The following LRRC8C variants were observed in gnomAD, a reference collection of about 807,000 sequenced individuals.
LRRC8C encodes the protein volume-regulated anion channel subunit LRRC8C.
A neutral mutation model predicts 55.3 loss-of-function variants in LRRC8C; 20 were observed. The ratio of observed to expected loss-of-function variants is 0.36; its 90% CI spans 0.25 to 0.53. The LOEUF (loss-of-function observed/expected upper bound fraction) is 0.53, where lower values mean the gene tolerates loss of function less well. Among genes scored for constraint, LRRC8C ranks in the 20% least tolerant of loss-of-function variants. The pLI is 0.92. For missense variants in LRRC8C, 659 were observed against 951.4 expected, an observed-to-expected ratio of 0.69 and a Z score of 4.04; for synonymous variants, 376 against 360.7, an observed-to-expected ratio of 1.04 and a Z score of -0.48.
the LRRC8C span, among the ~76,000 whole-genome samples, chr1:89,616,406 G>A: frequency 1.1e-4 from 17 of 152,198 alleles, no homozygotes; most frequent in South Asian, 2.1e-4. Context: ...AAGTGTGCCC[G>A]AGGCAACTGT....
chr1:89,667,668 G>A (rs1657309630), intron 1 of LRRC8C, among the ~76,000 whole-genome samples: 1 of 152,134 alleles, frequency 6.6e-6, no homozygotes, highest in African/African-American at 2.4e-5. Flanking sequence ...TGGAACTCAG[G>A]TTGCTGGGAA....
At chr1:89,682,985 G>A (rs1213078979) in intron 1 of LRRC8C, among the ~76,000 whole-genome samples, 15 of 152,200 alleles carry the variant, frequency 9.9e-5, no homozygotes, top group Admixed American at 9.8e-4. Context: ...TGAATGAAGT[G>A]ATCCTGACAC....
chr1:89,711,378 C>T (rs1411983830), intron 2 of LRRC8C, among the ~76,000 whole-genome samples: 1 of 152,216 alleles, frequency 6.6e-6, no homozygotes, highest in African/African-American at 2.4e-5. Flanking sequence ...TGCCTATAAT[C>T]AAGGTAAAGG....
chr1:89,694,463 T>C (rs1658109395), intron 2 of LRRC8C, among the ~76,000 whole-genome samples: 1 of 152,112 alleles, frequency 6.6e-6, no homozygotes, highest in African/African-American at 2.4e-5. Flanking sequence ...TGTTTTGTTA[T>C]TTTGGAGACG....
At chr1:89,665,728 G>T (rs1024097516) in intron 1 of LRRC8C, among the ~76,000 whole-genome samples, 3 of 152,036 alleles carry the variant, frequency 2.0e-5, no homozygotes, top group Admixed American at 6.5e-5. Flanking sequence ...GTGTAGCCTA[G>T]GTGTACAGTG....
chr1:89,686,405 T>C, intron 1 of LRRC8C, 65 bp from the exon 2 acceptor site: 1 of 1,562,450 alleles, frequency 6.4e-7, no homozygotes, highest in Non-Finnish European at 8.7e-7. Context: ...GAGCCACATT[T>C]GGTAACAATG....
At chr1:89,697,149 T>C (rs777258931) in intron 2 of LRRC8C, among the ~76,000 whole-genome samples, 28 of 152,238 alleles carry the variant, frequency 1.8e-4, no homozygotes, top group African/African-American at 3.4e-4. Context: ...TATTCCTTCA[T>C]GTAGATTGGA....
intron 1 of LRRC8C, among the ~76,000 whole-genome samples, chr1:89,634,843 A>T (rs999445025): frequency 1.8e-4 from 27 of 152,190 alleles, no homozygotes; most frequent in Admixed American, 1.2e-3. Context: ...CTCTGGAGTG[A>T]TTAAGTTCTG....
intron 1 of LRRC8C, among the ~76,000 whole-genome samples, chr1:89,657,277 G>A (rs917795321): frequency 2.6e-5 from 4 of 152,182 alleles, no homozygotes; most frequent in Admixed American, 2.0e-4. Context: ...CACCCTAAGT[G>A]TACAAAACTG....
At chr1:89,632,994 C>G (rs1258452839), upstream of LRRC8C, 2 of 152,216 alleles carry the variant, frequency 1.3e-5, no homozygotes, top group East Asian at 3.9e-4. Flanking sequence ...CGGGCGGTGG[C>G]GACCCCGGGG....
chr1:89,681,488 A>G (rs1036548873), intron 1 of LRRC8C, among the ~76,000 whole-genome samples: 6 of 152,252 alleles, frequency 3.9e-5, no homozygotes, highest in African/African-American at 1.2e-4. Flanking sequence ...CACGCTGCTA[A>G]TAAAGACATG....
intron 1 of LRRC8C, among the ~76,000 whole-genome samples, chr1:89,657,171 A>G (rs1041312756): frequency 6.6e-6 from 1 of 152,212 alleles, no homozygotes; most frequent in Non-Finnish European, 1.5e-5. Flanking sequence ...GCAGATGTCC[A>G]ATGAGGTAGT....
chr1:89,636,965 A>G (rs1656306146), intron 1 of LRRC8C, among the ~76,000 whole-genome samples: 1 of 152,142 alleles, frequency 6.6e-6, no homozygotes, highest in South Asian at 2.1e-4. Context: ...CCTGAATGAG[A>G]GACAAATCGG....
intron 1 of LRRC8C, chr1:89,676,315 C>G: frequency 6.6e-6 from 1 of 152,192 alleles, no homozygotes; most frequent in African/African-American, 2.4e-5. Context: ...CTGATCAACA[C>G]ATCCTGTTTA....
chr1:89,693,805 C>T (rs953935222), intron 2 of LRRC8C, among the ~76,000 whole-genome samples: 1 of 151,616 alleles, frequency 6.6e-6, no homozygotes, highest in Non-Finnish European at 1.5e-5. Flanking sequence ...TACAAGCATG[C>T]ACCACCACAC....
At chr1:89,687,548 T>G (rs996166506) in intron 2 of LRRC8C, among the ~76,000 whole-genome samples, 3 of 152,124 alleles carry the variant, frequency 2.0e-5, no homozygotes, top group Admixed American at 2.0e-4. Flanking sequence ...ATGAGGAAGA[T>G]AGTGTCAGTA....
At chr1:89,649,702 C>T (rs111657722) in intron 1 of LRRC8C, among the ~76,000 whole-genome samples, 4,119 of 152,186 alleles carry the variant, frequency 0.027, 190 homozygotes, top group African/African-American at 0.094. Flanking sequence ...TTCTTTCAGG[C>T]ACTATTCCTT....
chr1:89,697,450 T>C (rs1001473055), intron 2 of LRRC8C, among the ~76,000 whole-genome samples: 1 of 152,228 alleles, frequency 6.6e-6, no homozygotes, highest in South Asian at 2.1e-4. Flanking sequence ...TTTCTAGAGC[T>C]AAGTCAGCTG....
Position 89,713,154 on chromosome 1 carries a change from G to C in LRRC8C, c.584G>C (p.Arg195Thr), listed in dbSNP as rs1207820484. 2 of 1,614,188 alleles carry C rather than the reference G, an allele frequency of 1.2e-6. No individual in the cohort carries two copies. The highest frequency in any genetic ancestry group is 1.7e-5 in the Admixed American group (1 of 60,020). Residue 195 changes from arginine to threonine, a missense_variant, in exon 3 of 3, where the codon AGG becomes ACG. By Grantham distance (71) the Arg-to-Thr change is moderately conservative (BLOSUM62 -1). Transcript: ENST00000370454. The surrounding 1 kb of genome is among the most constrained non-coding windows in gnomAD (Gnocchi z 5.2). ...GACAACAGGAAGAACAACATGAACA[G>C]GTCCAACACCATCCAATCTGGTCCA... Reference protein sequence around the residue: ...EKDNRKNNMNRSNTIQSGPED... With the variant: ...EKDNRKNNMNTSNTIQSGPED...
Sources: allele counts gnomAD v4.1 joint callset (sites outside exome capture counted in the v4.1 genomes callset), GRCh38; gene constraint gnomAD v4.1.1; non-coding constraint Gnocchi (gnomAD v3.1); transcripts MANE v1.5; gene names NCBI Gene and HGNC (gene_info 2026-07-23, HGNC 2026-07-21).